The following STARD13 variants were observed in gnomAD, a reference collection of about 807,000 sequenced individuals.
STARD13 encodes the protein StAR related lipid transfer domain containing 13, also known as stAR-related lipid transfer protein 13.
In STARD13, 62 loss-of-function variants were observed where a neutral mutation model predicts 106.4. The observed-to-expected ratio is 0.58, with a 90% CI of 0.48 to 0.72. The LOEUF is 0.72. Among genes scored for constraint, STARD13 ranks in the 30% least tolerant of loss-of-function variants. The pLI, the probability that STARD13 is intolerant of heterozygous loss-of-function variation, is 0.00. For missense variants in STARD13, 1,387 were observed against 1,424.0 expected, an observed-to-expected ratio of 0.97 and a Z score of 0.42; for synonymous variants, 565 against 553.0, an observed-to-expected ratio of 1.02 and a Z score of -0.31.
In STARD13 at chr13:33,134,578, C is replaced by G. The variant is rs151024391; in HGVS notation, c.388-4289G>C. Among the ~76,000 whole-genome samples the G allele has an allele frequency of 1.2e-3, 180 of 152,264 alleles. 1 individual carries two copies. The highest frequency in any genetic ancestry group is 4.3e-3 in the African/African-American group (177 of 41,536). Reference sequence around the variant, plus strand: ...GGTATTAGGCTATTTGCTAAGGGTTCTTTGAGACTCAGTTTTCAGAGTTAG... The same window carrying G: ...GGTATTAGGCTATTTGCTAAGGGTTGTTTGAGACTCAGTTTTCAGAGTTAG... On this transcript the variant is annotated intron_variant, in intron 4 of 13. Coordinates refer to ENST00000336934, the MANE Select transcript of STARD13 (RefSeq NM_178006.4).
the STARD13 span, among the ~76,000 whole-genome samples, chr13:33,472,362 A>G: frequency 6.6e-6 from 1 of 152,086 alleles, no homozygotes; most frequent in Non-Finnish European, 1.5e-5. Context: ...TCAAAATTCA[A>G]TCATAAAAGA....
intron 1 of STARD13, among the ~76,000 whole-genome samples, chr13:33,343,252 T>C (rs903057911): frequency 2.0e-5 from 3 of 150,642 alleles, no homozygotes; most frequent in Non-Finnish European, 4.4e-5. Flanking sequence ...AGTATAATAA[T>C]AGTAAAATTA....
intron 1 of STARD13, among the ~76,000 whole-genome samples, chr13:33,245,141 T>C (rs889160075): frequency 1.3e-5 from 2 of 152,230 alleles, no homozygotes; most frequent in African/African-American, 2.4e-5. Context: ...CACTGTGAGT[T>C]AAATACGTCA....
the STARD13 span, among the ~76,000 whole-genome samples, chr13:33,417,770 C>T: frequency 0.16 from 24,047 of 151,846 alleles, 4,555 homozygotes; most frequent in African/African-American, 0.45. Flanking sequence ...GGAGGTAAGA[C>T]TGGGGGGGAA....
chr13:33,152,614 A>G (rs1400541594), intron 3 of STARD13, among the ~76,000 whole-genome samples: 1 of 152,170 alleles, frequency 6.6e-6, no homozygotes, highest in African/African-American at 2.4e-5. Context: ...CCCATTACTC[A>G]AGATAACCAT....
the STARD13 span, among the ~76,000 whole-genome samples, chr13:33,645,328 T>C: frequency 6.6e-6 from 1 of 152,170 alleles, no homozygotes; most frequent in Non-Finnish European, 1.5e-5. Context: ...CAGCATCAAC[T>C]GTCATCAGTG....
the STARD13 span, among the ~76,000 whole-genome samples, chr13:33,551,927 G>T: frequency 6.6e-6 from 1 of 151,986 alleles, no homozygotes; most frequent in East Asian, 1.9e-4. Context: ...CAAAAATTTA[G>T]TCTGAAAGTT....
the STARD13 span, among the ~76,000 whole-genome samples, chr13:33,381,655 G>C: frequency 2.6e-5 from 4 of 152,214 alleles, no homozygotes; most frequent in Non-Finnish European, 5.9e-5. Flanking sequence ...CAGGAGAATC[G>C]CTTGAACCCA....
the STARD13 span, chr13:33,661,309 C>G: frequency 6.6e-6 from 1 of 152,200 alleles, no homozygotes; most frequent in Admixed American, 6.5e-5. Context: ...GAAGCAGAAG[C>G]AGACTTCGGT....
chr13:33,454,980 G>T, the STARD13 span, among the ~76,000 whole-genome samples: 2 of 152,214 alleles, frequency 1.3e-5, no homozygotes, highest in African/African-American at 2.4e-5. Flanking sequence ...GAGAATAAAA[G>T]ACATATTCCC....
chr13:33,275,773 G>T (rs1485074787), intron 1 of STARD13: 1 of 152,198 alleles, frequency 6.6e-6, no homozygotes, highest in African/African-American at 2.4e-5. Flanking sequence ...TCAATTATTT[G>T]CTCCTAAGAA....
chr13:33,176,525 G>A (rs531287070), intron 1 of STARD13, among the ~76,000 whole-genome samples: 2 of 152,242 alleles, frequency 1.3e-5, no homozygotes, highest in African/African-American at 4.8e-5. Context: ...CAAAGATACT[G>A]CTGAGCTTAA....
chr13:33,611,879 C>T, the STARD13 span, among the ~76,000 whole-genome samples: 1 of 152,306 alleles, frequency 6.6e-6, no homozygotes, highest in South Asian at 2.1e-4. Context: ...ATGGCTTCCT[C>T]ACCAGGGACC....
intron 1 of STARD13, chr13:33,350,238 G>C: frequency 6.7e-7 from 1 of 1,495,830 alleles, no homozygotes; most frequent in Non-Finnish European, 8.9e-7. Flanking sequence ...GCGGGCTACG[G>C]GGCCGGCGCC....
chr13:33,609,068 A>G, the STARD13 span, among the ~76,000 whole-genome samples: 1 of 142,158 alleles, frequency 7.0e-6, no homozygotes, highest in Non-Finnish European at 1.5e-5. Context: ...CCTGGGCGAC[A>G]GAGCGAGACT....
chr13:33,298,123 T>TG (rs1263301358), intron 1 of STARD13, among the ~76,000 whole-genome samples: 3 of 21,284 alleles, frequency 1.4e-4, no homozygotes, highest in Admixed American at 6.9e-4. Context: ...CATCTACAGT[T>TG]TTTTTTTTTT....
chr13:33,540,375 C>T, the STARD13 span, among the ~76,000 whole-genome samples: 4 of 152,054 alleles, frequency 2.6e-5, no homozygotes, highest in East Asian at 7.7e-4. Flanking sequence ...GCCTTGGAGA[C>T]ATTATTAAGG....
rs566783291 is a variant in STARD13 at position 33,133,128 on chromosome 13, G to C, written c.388-2839C>G. Among the ~76,000 whole-genome samples, 3 of 152,262 alleles carry C rather than the reference G, an allele frequency of 2.0e-5. No homozygotes were observed. The East Asian group carries it at 5.8e-4, about 29-fold the overall frequency. Reference sequence around the variant, plus strand: ...TTTAAAACAGAAACTACAACATTTAGTGTTGGCCCCAACTACCTCTCTCAA... The same window carrying C: ...TTTAAAACAGAAACTACAACATTTACTGTTGGCCCCAACTACCTCTCTCAA... On this transcript the variant is annotated intron_variant, in intron 4 of 13. Coordinates refer to ENST00000336934, the MANE Select transcript of STARD13 (RefSeq NM_178006.4).
At chr13:33,442,048 T>C in the STARD13 span, among the ~76,000 whole-genome samples, 8 of 152,236 alleles carry the variant, frequency 5.3e-5, no homozygotes, top group South Asian at 2.1e-4. Context: ...ATATATTTAA[T>C]GACTATTTGA....
Sources: allele counts gnomAD v4.1 joint callset (sites outside exome capture counted in the v4.1 genomes callset), GRCh38; gene constraint gnomAD v4.1.1; transcripts MANE v1.5; gene names NCBI Gene and HGNC (gene_info 2026-07-23, HGNC 2026-07-21).